STK31: variants seen among roughly 807,000 people sequenced by gnomAD.
STK31 encodes the protein serine/threonine-protein kinase 31.
STK31 carries 89 observed loss-of-function variants against 129.7 expected under a neutral mutation model. The ratio of observed to expected loss-of-function variants is 0.69; its 90% CI spans 0.58 to 0.82. The LOEUF is 0.82. Among genes scored for constraint, STK31 ranks in the 40% least tolerant of loss-of-function variants. The pLI is 0.00. For synonymous variants in STK31, 448 were observed against 395.3 expected (o/e 1.13, Z -1.58); for missense variants, 1,187 against 1,176.4 (o/e 1.01, Z -0.13).
intron 22 of STK31, among the ~76,000 whole-genome samples, chr7:23,795,790 C>G (rs888992478): frequency 6.6e-6 from 1 of 152,182 alleles, no homozygotes; most frequent in African/African-American, 2.4e-5. Context: ...TTTGACTGCC[C>G]TGCTGGATTT....
At chr7:23,738,339 A>T (rs1045423745) in intron 8 of STK31, among the ~76,000 whole-genome samples, 4 of 152,080 alleles carry the variant, frequency 2.6e-5, no homozygotes, top group African/African-American at 9.7e-5. Context: ...GTGTTTATCA[A>T]CCCAGAAGCT....
intron 22 of STK31, chr7:23,811,500 T>TAG: frequency 3.6e-6 from 1 of 277,022 alleles, no homozygotes; most frequent in South Asian, 5.0e-5. Flanking sequence ...GGTCCTTCAG[T>TAG]AGAGGCATTT....
intron 7 of STK31, 98 bp from the exon 8 acceptor site, chr7:23,736,806 A>G: frequency 1.1e-6 from 1 of 934,812 alleles, no homozygotes; most frequent in Non-Finnish European, 1.5e-6. Flanking sequence ...TAACTTTCAG[A>G]TATATTGTGG....
chr7:23,746,129 A>C (rs1042931959), intron 8 of STK31, among the ~76,000 whole-genome samples: 10 of 152,194 alleles, frequency 6.6e-5, no homozygotes, highest in African/African-American at 2.4e-4. Context: ...GGGGCTGGGC[A>C]CACAAAATGG....
chr7:23,798,652 T>C (rs1236305721), intron 22 of STK31, among the ~76,000 whole-genome samples: 1 of 152,222 alleles, frequency 6.6e-6, no homozygotes, highest in African/African-American at 2.4e-5. Flanking sequence ...TCTTACTGAA[T>C]GGGCAAAAAC....
At position 23,710,246 on chromosome 7, in the gene STK31, T is replaced by A. The variant is rs1312835556; in HGVS notation, c.-40T>A. 2 of 1,612,304 alleles carry A rather than the reference T, an allele frequency of 1.2e-6. No individual in the cohort carries two copies. Among genetic ancestry groups the A allele is most frequent in the Admixed American group, 3.3e-5 (2 of 60,020 alleles). On this transcript the variant is annotated 5_prime_UTR_variant, in exon 1 of 24. Coordinates refer to ENST00000355870, the MANE Select transcript of STK31 (RefSeq NM_031414.5). ...GGTCGAAGCTCACGCGGTAAGCCGC[T>A]GCACGTGTGCTACGGCGGGCGGAGG...
chr7:23,808,970 T>TGTGTGTGTGTGTGTGTGTGTGTCTGC (rs60631283), intron 22 of STK31, among the ~76,000 whole-genome samples: 1 of 139,556 alleles, frequency 7.2e-6, no homozygotes, highest in Non-Finnish European at 1.6e-5. Flanking sequence ...TGTGTGTGTG[T>TGTGTGTGTGTGTGTGTGTGTGTCTGC]GCCTGTGTCT....
At chr7:23,747,471 G>A (rs1001478637) in intron 8 of STK31, among the ~76,000 whole-genome samples, 22 of 152,216 alleles carry the variant, frequency 1.4e-4, no homozygotes, top group East Asian at 7.7e-4. Context: ...CTGGGTTCAC[G>A]CCATTCTCCT....
chr7:23,735,470 TG>T, intron 6 of STK31, 67 bp from the exon 7 acceptor site: 2 of 1,366,130 alleles, frequency 1.5e-6, no homozygotes, highest in Non-Finnish European at 2.0e-6. Flanking sequence ...TTGGAAAAAA[TG>T]GGTAGGAACA....
At chr7:23,808,449 T>C (rs1792859251) in intron 22 of STK31, among the ~76,000 whole-genome samples, 1 of 151,680 alleles carries the variant, frequency 6.6e-6, no homozygotes, top group Admixed American at 6.6e-5. Context: ...CTGGTGAGAG[T>C]GGAAGTTTTA....
In STK31 at chr7:23,817,423, A is replaced by G. The variant is rs546118435; in HGVS notation, c.2829+2211A>G. On this transcript the variant is annotated intron_variant, in intron 23 of 23. Coordinates refer to ENST00000355870, the MANE Select transcript of STK31 (RefSeq NM_031414.5). ...TGAGTAATAAGCAAGTTCAAATTAT[A>G]AAAATCTTGGCTTGTATAGTATTTG... Among the ~76,000 whole-genome samples the G allele has an allele frequency of 2.6e-5, 4 of 152,326 alleles. No individual in the cohort carries two copies. In the South Asian group the frequency reaches 8.3e-4, roughly 32 times the overall value.
intron 15 of STK31, 41 bp from the exon 16 acceptor site, chr7:23,781,378 T>C (rs370887890): frequency 1.4e-6 from 2 of 1,448,530 alleles, no homozygotes; most frequent in Admixed American, 3.8e-5. Context: ...AGACTTGTTT[T>C]CTCTATGTTA....
At chr7:23,727,501 A>T (rs1787155652) in intron 5 of STK31, 186 bp downstream of exon 5, 2 of 538,528 alleles carry the variant, frequency 3.7e-6, no homozygotes, top group South Asian at 2.3e-5. Context: ...TTATTCAAGA[A>T]TAGATTATAT....
chr7:23,811,514 C>G (rs930887365), intron 22 of STK31: 1 of 278,488 alleles, frequency 3.6e-6, no homozygotes, highest in Admixed American at 3.9e-5. Context: ...GGCATTTCCA[C>G]CAATGAGCAA....
At chr7:23,810,104 G>A (rs1223810953) in intron 22 of STK31, among the ~76,000 whole-genome samples, 1 of 152,004 alleles carries the variant, frequency 6.6e-6, no homozygotes, top group African/African-American at 2.4e-5. Context: ...ACATATTTAG[G>A]ATTGTTATGT....
chr7:23,751,808 A>G (rs1293000969), intron 8 of STK31, among the ~76,000 whole-genome samples: 1 of 152,144 alleles, frequency 6.6e-6, no homozygotes, highest in Non-Finnish European at 1.5e-5. Flanking sequence ...ATCTTTATGA[A>G]ATGTCTCTCT....
chr7:23,738,499 C>T (rs1787853930), intron 8 of STK31, among the ~76,000 whole-genome samples: 1 of 152,298 alleles, frequency 6.6e-6, no homozygotes, highest in South Asian at 2.1e-4. Flanking sequence ...GCAATCCACT[C>T]ACTTCAGTCT....
At chr7:23,791,091 T>A (rs1322070832) in intron 22 of STK31, 145 bp downstream of exon 22, 2 of 912,096 alleles carry the variant, frequency 2.2e-6, no homozygotes, top group Non-Finnish European at 2.9e-6. Context: ...TTGATATGCT[T>A]CCTATTACCT....
At position 23,711,411 on chromosome 7, in the gene STK31, C is replaced by G. The variant is rs1785952788; in HGVS notation, c.51-688C>G. ...AAGATCTCCAGCCTGAGCGACAGAG[C>G]AAGACTTCGTTTGGGGGGAAAAAAA... On this transcript the variant is annotated intron_variant, in intron 1 of 23. Transcript: ENST00000355870. 5.4e-5 allele frequency among the ~76,000 whole-genome samples: 8 copies of G among 147,510 alleles called. No individual in the cohort carries two copies. The South Asian group carries it at 1.7e-3, about 31-fold the overall frequency.
Sources: gnomAD v4.1 joint callset for allele counts (sites outside exome capture counted in the v4.1 genomes callset) on GRCh38, gnomAD v4.1.1 for gene constraint, MANE v1.5 for transcripts, NCBI Gene and HGNC (gene_info 2026-07-23, HGNC 2026-07-21) for gene names.